Variants in IQSEC3 observed in about 807,000 individuals in gnomAD.
IQSEC3 encodes IQ motif and SEC7 domain-containing protein 3.
In IQSEC3, 50 loss-of-function variants were observed where a neutral mutation model predicts 105.4. The observed-to-expected ratio is 0.47, with a 90% CI of 0.38 to 0.60. IQSEC3 has a LOEUF of 0.60. Among genes scored for constraint, IQSEC3 ranks in the 20% least tolerant of loss-of-function variants. IQSEC3 has a pLI of 0.00. For synonymous variants in IQSEC3, 708 were observed against 746.0 expected (o/e 0.95, Z 0.83); for missense variants, 1,415 against 1,630.0 (o/e 0.87, Z 2.27).
chr12:93,814 G>A (rs1039334553), intron 1 of IQSEC3, among the ~76,000 whole-genome samples: 25 of 152,228 alleles, frequency 1.6e-4, no homozygotes, highest in Middle Eastern at 3.4e-3. Flanking sequence ...CTGGGGAGTT[G>A]GGGGTGAGTG....
chr12:121,834 G>A (rs977927885), intron 2 of IQSEC3, among the ~76,000 whole-genome samples: 3 of 152,104 alleles, frequency 2.0e-5, no homozygotes, highest in Admixed American at 6.5e-5. Flanking sequence ...ACTGTGTTCC[G>A]GGCGCTGTCC....
At chr12:88,556 A>G (rs2136898859) in intron 1 of IQSEC3, among the ~76,000 whole-genome samples, 1 of 152,294 alleles carries the variant, frequency 6.6e-6, no homozygotes, top group African/African-American at 2.4e-5. Flanking sequence ...CCCTGTGGAG[A>G]TTCCATCCTC....
Position 150,354 on chromosome 12 carries a change from A to T in IQSEC3, c.2154-6671A>T, listed in dbSNP as rs552815837. Among the ~76,000 whole-genome samples the T allele has an allele frequency of 1.4e-4, 21 of 152,352 alleles. No homozygotes were observed. In the South Asian group the frequency reaches 4.4e-3, roughly 32 times the overall value. ...TTTCATCTGAAGAATCTATCAAACT[A>T]GACATTGTCAAATATTTACTCAAGC... is the stretch of plus-strand genomic sequence containing the variant. On this transcript the variant is annotated intron_variant, in intron 5 of 13. Transcript: ENST00000538872.
At chr12:88,652 C>A (rs1370502003) in intron 1 of IQSEC3, among the ~76,000 whole-genome samples, 3 of 152,136 alleles carry the variant, frequency 2.0e-5, no homozygotes, top group Non-Finnish European at 4.4e-5. Flanking sequence ...AGCCTTTTGC[C>A]CCGGCTTCTG....
intron 2 of IQSEC3, among the ~76,000 whole-genome samples, chr12:122,639 G>T (rs1460209942): frequency 1.3e-5 from 2 of 152,332 alleles, no homozygotes; most frequent in South Asian, 4.1e-4. Context: ...GGCCACTGGG[G>T]CTCGATCCCA....
chr12:106,101 T>A (rs1864640346), intron 2 of IQSEC3, among the ~76,000 whole-genome samples: 1 of 152,242 alleles, frequency 6.6e-6, no homozygotes. Flanking sequence ...TGCTATGTGC[T>A]ATGCAAGAAT....
chr12:139,159 G>T lies in IQSEC3; in HGVS notation c.1796G>T (p.Ser599Ile). The T allele has an allele frequency of 6.4e-7, 1 of 1,561,852 alleles. No homozygotes were observed. Among genetic ancestry groups the T allele is most frequent in the Non-Finnish European group, 8.7e-7 (1 of 1,155,432 alleles). Residue 599 changes from serine (S) to isoleucine (I), a missense_variant, in exon 4 of 14, where the codon AGC becomes ATC. Physicochemically the swap from Ser to Ile is moderately radical, Grantham distance 142. Transcript: ENST00000538872. ...GCAGGCGACTTGGAGCAGCTGAGCA[G>T]CAGCAGCACGTCCACCAAGTCCGCC... The part of the protein sequence containing the change: ...AEAGDLEQLS[S>I]SSTSTKSAKS...
chr12:144,919 A>C (rs1555090558), intron 5 of IQSEC3, among the ~76,000 whole-genome samples: 1 of 152,178 alleles, frequency 6.6e-6, no homozygotes, highest in Non-Finnish European at 1.5e-5. Context: ...GCAGCCTTAA[A>C]TTCCCAGGCT....
chr12:73,344 C>T (rs115852440), intron 1 of IQSEC3, among the ~76,000 whole-genome samples: 2,326 of 152,148 alleles, frequency 0.015, 30 homozygotes, highest in African/African-American at 0.045. Context: ...AAAGACTTGT[C>T]GTAAAGTTGT....
intron 1 of IQSEC3, among the ~76,000 whole-genome samples, chr12:84,290 C>G (rs1335022337): frequency 1.3e-5 from 2 of 152,192 alleles, no homozygotes; most frequent in African/African-American, 4.8e-5. Context: ...CAGAGTACCA[C>G]CCACATGCAG....
chr12:137,035 C>T (rs553940676), intron 3 of IQSEC3, among the ~76,000 whole-genome samples: 17 of 152,200 alleles, frequency 1.1e-4, no homozygotes, highest in African/African-American at 4.1e-4. Context: ...GCCATGCCCC[C>T]GAGCCCACCC....
chr12:101,641 C>T (rs563186388), intron 2 of IQSEC3, among the ~76,000 whole-genome samples: 41 of 152,240 alleles, frequency 2.7e-4, no homozygotes, highest in African/African-American at 8.7e-4. Context: ...GTCTCTAGTT[C>T]CCAGTTACTC....
chr12:138,541 G>T lies in IQSEC3; in HGVS notation c.1178G>T (p.Gly393Val), dbSNP rs781971008. The T allele has an allele frequency of 5.1e-6, 8 of 1,579,220 alleles. No homozygotes were observed. The East Asian group carries it at 1.6e-4, about 32-fold the overall frequency. Residue 393 changes from glycine (G) to valine (V), a missense_variant, in exon 4 of 14, where the codon GGC (glycine) becomes GTC (valine). Around this residue, in one of 6 missense-constraint regions of IQSEC3, gnomAD observed 720 missense variants for 633.0 expected, o/e 1.14. Coordinates refer to ENST00000538872, the MANE Select transcript of IQSEC3 (RefSeq NM_001170738.2). The surrounding 1 kb of genome is among the most constrained non-coding windows in gnomAD (Gnocchi z 7.1). Reference sequence around the variant, plus strand: ...CCCTCCCTGCCGCCCACCTTCGCAGGCACCCTCACCGAGCTGGAGGACTCC... The same window carrying T: ...CCCTCCCTGCCGCCCACCTTCGCAGTCACCCTCACCGAGCTGGAGGACTCC... ...RSPSLPPTFA[G>V]TLTELEDSFT...
chr12:171,523 G>A (rs781845399), intron 13 of IQSEC3: 2 of 602,222 alleles, frequency 3.3e-6, no homozygotes, highest in Non-Finnish European at 2.9e-6. Context: ...CCCAGTACTT[G>A]CTGTATCAGA....
At chr12:164,879 G>A (rs1228291592) in intron 9 of IQSEC3, 1 of 152,732 alleles carries the variant, frequency 6.5e-6, no homozygotes, top group Admixed American at 6.5e-5. Flanking sequence ...TCAGATTGGG[G>A]GAAGGCACTA....
chr12:159,779 T>C (rs1463307309), intron 7 of IQSEC3, among the ~76,000 whole-genome samples: 1 of 152,248 alleles, frequency 6.6e-6, no homozygotes, highest in Non-Finnish European at 1.5e-5. Context: ...CCTCCGGTCA[T>C]GGGAAGTTTT....
intron 7 of IQSEC3, among the ~76,000 whole-genome samples, chr12:158,229 TAAAGTC>T (rs1866764276): frequency 1.3e-5 from 2 of 152,096 alleles, no homozygotes; most frequent in Admixed American, 1.3e-4. Flanking sequence ...CATAATTTAA[TAAAGTC>T]AAATAATCCT....
rs79986182 is a variant in IQSEC3, at chr12:155,749, G to A, written c.2154-1276G>A. Among the ~76,000 whole-genome samples, 164 of 152,272 alleles carry A rather than the reference G, an allele frequency of 1.1e-3. 4 individuals are homozygous for A. The East Asian group carries it at 0.028, about 26-fold the overall frequency. On this transcript the variant is annotated intron_variant, in intron 5 of 13. Coordinates refer to ENST00000538872, the MANE Select transcript of IQSEC3 (RefSeq NM_001170738.2). Reference sequence around the variant, plus strand: ...CTCAGCAGGCGTTTTCTGTGCTCTCGATGTGGTGGGCAGGCAGGCCAGGGG... The same window carrying A: ...CTCAGCAGGCGTTTTCTGTGCTCTCAATGTGGTGGGCAGGCAGGCCAGGGG...
At chr12:139,858 G>GA (rs1225680244) in intron 4 of IQSEC3, 1 of 153,428 alleles carries the variant, frequency 6.5e-6, no homozygotes, top group Non-Finnish European at 1.5e-5. Context: ...ACGAGGAAGA[G>GA]AGAGTGTGAA....
Sources: allele counts gnomAD v4.1 joint callset (sites outside exome capture counted in the v4.1 genomes callset), GRCh38; gene constraint gnomAD v4.1.1; regional missense constraint gnomAD v4.1.1; non-coding constraint Gnocchi (gnomAD v3.1); transcripts MANE v1.5; gene names NCBI Gene and HGNC (gene_info 2026-07-23, HGNC 2026-07-21).